Variants in CCDC85A observed in about 807,000 individuals in gnomAD.
The protein encoded by CCDC85A is coiled-coil domain containing 85A, also known as coiled-coil domain-containing protein 85A.
CCDC85A carries 38 observed loss-of-function variants against 50.2 expected under a neutral mutation model. The ratio of observed to expected loss-of-function variants is 0.76; its 90% CI spans 0.58 to 0.99. The LOEUF (loss-of-function observed/expected upper bound fraction) is 0.99. Among genes scored for constraint, CCDC85A ranks in the 50% least tolerant of loss-of-function variants. The probability of loss-of-function intolerance (pLI) is 0.00; values close to 1 mark genes in which losing one functional copy is unlikely to be tolerated. For missense variants in CCDC85A, 820 were observed against 742.0 expected (o/e 1.11, Z -1.22); for synonymous variants, 366 against 301.4 (o/e 1.21, Z -2.22).
chr2:56,306,933 A>G (rs1672473725), intron 2 of CCDC85A, among the ~76,000 whole-genome samples: 1 of 151,852 alleles, frequency 6.6e-6, no homozygotes, highest in African/African-American at 2.4e-5. Flanking sequence ...CATTTTTTCT[A>G]GTTCAGGAAA....
At chr2:56,185,216 C>T (rs760061619) in intron 1 of CCDC85A, among the ~76,000 whole-genome samples, 1 of 152,188 alleles carries the variant, frequency 6.6e-6, no homozygotes, top group Non-Finnish European at 1.5e-5. Flanking sequence ...AAAATCTGTG[C>T]CTGGGGAGCC....
At chr2:56,378,716 G>A (rs1009899982) in intron 5 of CCDC85A, among the ~76,000 whole-genome samples, 6 of 152,186 alleles carry the variant, frequency 3.9e-5, no homozygotes, top group African/African-American at 1.4e-4. Flanking sequence ...TAGTGTCCAT[G>A]AACTTGACCT....
chr2:56,234,477 G>A (rs1380044916), intron 2 of CCDC85A, among the ~76,000 whole-genome samples: 1 of 152,044 alleles, frequency 6.6e-6, no homozygotes, highest in African/African-American at 2.4e-5. Flanking sequence ...ACTTCAAAAT[G>A]TCTTGGCTGC....
intron 2 of CCDC85A, among the ~76,000 whole-genome samples, chr2:56,287,561 GT>G (rs1283805726): frequency 6.6e-6 from 1 of 152,136 alleles, no homozygotes; most frequent in Non-Finnish European, 1.5e-5. Context: ...CAATAACTCT[GT>G]CATGATCTGA....
intron 2 of CCDC85A, among the ~76,000 whole-genome samples, chr2:56,249,919 G>A (rs886401880): frequency 6.6e-6 from 1 of 152,140 alleles, no homozygotes; most frequent in Non-Finnish European, 1.5e-5. Context: ...ACATTGCCAG[G>A]CCCTGCCATA....
At position 56,184,165 on chromosome 2, in the gene CCDC85A, G is replaced by C. The variant is rs1260449936; in HGVS notation, c.-460G>C. 3.0e-6 allele frequency: 3 copies of C among 986,762 alleles called. No homozygotes were observed. Among genetic ancestry groups the C allele is most frequent in the Non-Finnish European group, 3.6e-6 (3 of 831,010 alleles). The allele number at this position is 986,762 out of a possible 1,614,324, so 61.1% of individuals were successfully genotyped here. ...GCGCCCTCCAAGCTAGGAGAGGGGAGAAGCCGGGGGCTGCAGCTGGGCAAG... is the reference window on the plus strand; with the variant it reads ...GCGCCCTCCAAGCTAGGAGAGGGGACAAGCCGGGGGCTGCAGCTGGGCAAG... On this transcript the variant is annotated 5_prime_UTR_variant, in exon 1 of 6. Transcript: ENST00000407595.
At chr2:56,189,086 C>T (rs1262609111) in intron 1 of CCDC85A, among the ~76,000 whole-genome samples, 1 of 152,076 alleles carries the variant, frequency 6.6e-6, no homozygotes, top group East Asian at 1.9e-4. Context: ...AGGAATCTCT[C>T]CTCTTAGGTT....
intron 2 of CCDC85A, among the ~76,000 whole-genome samples, chr2:56,313,451 T>A (rs1672784458): frequency 6.6e-6 from 1 of 152,080 alleles, no homozygotes; most frequent in East Asian, 1.9e-4. Context: ...CATCCTACCT[T>A]CATTTGTTTC....
chr2:56,219,595 CCTT>C (rs1253559090), intron 2 of CCDC85A, among the ~76,000 whole-genome samples: 2 of 151,802 alleles, frequency 1.3e-5, no homozygotes, highest in Non-Finnish European at 2.9e-5. Flanking sequence ...AGAATGCCCT[CCTT>C]CCCACTTGCT....
chr2:56,371,223 T>C (rs1676055628), intron 3 of CCDC85A, among the ~76,000 whole-genome samples: 1 of 152,112 alleles, frequency 6.6e-6, no homozygotes, highest in Non-Finnish European at 1.5e-5. Flanking sequence ...CTGGTGCCAA[T>C]TTAATAGGTT....
At chr2:56,238,758 C>G (rs1159705474) in intron 2 of CCDC85A, among the ~76,000 whole-genome samples, 1 of 152,068 alleles carries the variant, frequency 6.6e-6, no homozygotes, top group Non-Finnish European at 1.5e-5. Context: ...GAGTAAAAAA[C>G]TCATACTGCT....
At chr2:56,209,045 G>A (rs1424209934) in intron 2 of CCDC85A, among the ~76,000 whole-genome samples, 1 of 152,054 alleles carries the variant, frequency 6.6e-6, no homozygotes, top group Non-Finnish European at 1.5e-5. Context: ...TTTTGGTCAT[G>A]GTGTCAAATC....
At chr2:56,202,861 A>G (rs1573017067) in intron 2 of CCDC85A, among the ~76,000 whole-genome samples, 1 of 152,176 alleles carries the variant, frequency 6.6e-6, no homozygotes, top group Non-Finnish European at 1.5e-5. Context: ...TCACCCATCC[A>G]CCCAAACAGA....
chr2:56,244,860 A>T (rs1402291266), intron 2 of CCDC85A, among the ~76,000 whole-genome samples: 1 of 151,910 alleles, frequency 6.6e-6, no homozygotes. Context: ...TAGAAATGTT[A>T]TCTGAAAGCT....
intron 2 of CCDC85A, among the ~76,000 whole-genome samples, 154 bp downstream of exon 2, chr2:56,193,594 T>C (rs776853670): frequency 2.4e-4 from 36 of 152,106 alleles, no homozygotes; most frequent in Admixed American, 1.2e-3. Context: ...AATCATGATA[T>C]GGGGTTCTTC....
chr2:56,241,097 A>C (rs1669236893), intron 2 of CCDC85A, among the ~76,000 whole-genome samples: 1 of 152,192 alleles, frequency 6.6e-6, no homozygotes, highest in African/African-American at 2.4e-5. Context: ...TTCTCTAATA[A>C]CTAAGAAACA....
chr2:56,238,885 C>A (rs1018982067), intron 2 of CCDC85A, among the ~76,000 whole-genome samples: 2 of 152,122 alleles, frequency 1.3e-5, no homozygotes. Flanking sequence ...TTATATGGGT[C>A]TGCGATGGAC....
At position 56,192,469 on chromosome 2, in the gene CCDC85A, C is replaced by G. The variant is rs769814860; in HGVS notation, c.277-8C>G. 1.1e-5 allele frequency: 18 copies of G among 1,600,526 alleles called. No individual in the cohort carries two copies. In the South Asian group the frequency reaches 1.6e-4, roughly 14 times the overall value. ...ACTTCCCTTGAATGGTTGTGTCTCT[C>G]TTTTCAGGATATCAACCAGAAACTC... On this transcript the variant is annotated splice_region_variant and splice_polypyrimidine_tract_variant and intron_variant, in intron 1 of 5. Transcript: ENST00000407595. The surrounding 1 kb of genome is among the most constrained non-coding windows in gnomAD (Gnocchi z 4.7).
At chr2:56,349,355 G>A (rs994924529) in intron 3 of CCDC85A, among the ~76,000 whole-genome samples, 6 of 152,182 alleles carry the variant, frequency 3.9e-5, no homozygotes, top group African/African-American at 7.2e-5. Context: ...ACAGATGGGA[G>A]CAGCACGAGT....
Sources: allele counts gnomAD v4.1 joint callset (sites outside exome capture counted in the v4.1 genomes callset), GRCh38; gene constraint gnomAD v4.1.1; non-coding constraint Gnocchi (gnomAD v3.1); transcripts MANE v1.5; gene names NCBI Gene and HGNC (gene_info 2026-07-23, HGNC 2026-07-21).